Variants in ATP8B4 observed in about 807,000 individuals in gnomAD.
ATP8B4 encodes probable phospholipid-transporting ATPase IM.
In ATP8B4, 133 loss-of-function variants were observed where a neutral mutation model predicts 145.6. That is an observed-to-expected ratio of 0.91 (90% CI 0.79 to 1.05). The LOEUF is 1.05. Among genes scored for constraint, ATP8B4 ranks in the 50% least tolerant of loss-of-function variants. The pLI is 0.00. For missense variants in ATP8B4, 1,458 were observed against 1,425.2 expected, an observed-to-expected ratio of 1.02 and a Z score of -0.37; for synonymous variants, 507 against 492.9, an observed-to-expected ratio of 1.03 and a Z score of -0.38.
intron 13 of ATP8B4, among the ~76,000 whole-genome samples, chr15:49,971,225 C>G (rs964920381): frequency 6.6e-6 from 1 of 152,164 alleles, no homozygotes; most frequent in Non-Finnish European, 1.5e-5. Flanking sequence ...GACTTCATGA[C>G]TAAAACACCA....
At chr15:50,020,000 C>T (rs1335030840) in intron 6 of ATP8B4, among the ~76,000 whole-genome samples, 1 of 151,954 alleles carries the variant, frequency 6.6e-6, no homozygotes, top group Non-Finnish European at 1.5e-5. Flanking sequence ...TCTCTGTTGC[C>T]CAGACTGGAG....
At chr15:50,146,582 C>A (rs531966873) in intron 1 of ATP8B4, among the ~76,000 whole-genome samples, 1 of 152,244 alleles carries the variant, frequency 6.6e-6, no homozygotes, top group East Asian at 1.9e-4. Context: ...TCTGAAACTA[C>A]TTTGCGTGTG....
chr15:50,011,593 C>T lies in ATP8B4; in HGVS notation c.363-676G>A, dbSNP rs370207022. On this transcript the variant is annotated intron_variant, in intron 6 of 27. Coordinates refer to ENST00000284509, the MANE Select transcript of ATP8B4 (RefSeq NM_024837.4). ...ATGGAGCCCCAAGACCACCCTCCAC[C>T]CAGTTCAAAGGGGTTTATTATGAAA... Among the ~76,000 whole-genome samples the T allele has an allele frequency of 2.2e-4, 34 of 152,218 alleles. No homozygotes were observed. The South Asian group carries it at 7.1e-3, about 32-fold the overall frequency.
intron 2 of ATP8B4, among the ~76,000 whole-genome samples, chr15:50,087,454 CCT>C (rs897710323): frequency 6.8e-6 from 1 of 146,952 alleles, no homozygotes; most frequent in Non-Finnish European, 1.5e-5. Context: ...TATATACACT[CCT>C]CATATTCTTG....
intron 1 of ATP8B4, among the ~76,000 whole-genome samples, chr15:50,147,568 G>A (rs7168544): frequency 0.094 from 14,275 of 152,078 alleles, 893 homozygotes; most frequent in African/African-American, 0.16. Flanking sequence ...AGGATCCCAC[G>A]GAGAAATGGT....
chr15:49,900,048 T>C (rs1226911955), intron 21 of ATP8B4, among the ~76,000 whole-genome samples: 1 of 152,204 alleles, frequency 6.6e-6, no homozygotes, highest in African/African-American at 2.4e-5. Flanking sequence ...TTGTGGTCTC[T>C]GGGGAATTCA....
intron 1 of ATP8B4, among the ~76,000 whole-genome samples, chr15:50,138,325 GGTAGA>G (rs1567402928): frequency 1.8e-5 from 2 of 113,274 alleles, no homozygotes; most frequent in African/African-American, 6.2e-5. Context: ...TAGATAGATA[GGTAGA>G]TAGATAGATA....
Position 49,956,712 on chromosome 15 carries a change from G to GT in ATP8B4, c.1287+5264dup, listed in dbSNP as rs1187757944. Among the ~76,000 whole-genome samples the GT allele has an allele frequency of 4.0e-5, 6 of 151,668 alleles. No homozygotes were observed. In the South Asian group the frequency reaches 6.3e-4, roughly 16 times the overall value. On this transcript the variant is annotated intron_variant, in intron 14 of 27. Transcript: ENST00000284509. ...GTGCCCCAGCATGCCTAGCTAATTG[G>GT]TTTTTTTTGTTGTTTGTAGAGACAG... is the stretch of plus-strand genomic sequence containing the variant.
chr15:50,080,598 T>A (rs79758863), intron 2 of ATP8B4, among the ~76,000 whole-genome samples: 2 of 144,362 alleles, frequency 1.4e-5, no homozygotes, highest in East Asian at 2.0e-4. Flanking sequence ...CTTGCTAGAA[T>A]TTTTTTTTTT....
intron 13 of ATP8B4, among the ~76,000 whole-genome samples, chr15:49,963,770 G>A (rs1184631925): frequency 6.6e-6 from 1 of 152,124 alleles, no homozygotes; most frequent in Admixed American, 6.5e-5. Context: ...TGGGAAGGGA[G>A]AGCATCAAGA....
At chr15:49,903,604 T>G (rs997993503) in intron 20 of ATP8B4, among the ~76,000 whole-genome samples, 16 of 152,288 alleles carry the variant, frequency 1.1e-4, no homozygotes, top group African/African-American at 3.9e-4. Context: ...GTTAAATTGA[T>G]CTGTTGTGGC....
At chr15:50,165,463 G>A (rs993298447) in intron 1 of ATP8B4, among the ~76,000 whole-genome samples, 7 of 152,048 alleles carry the variant, frequency 4.6e-5, no homozygotes, top group African/African-American at 1.7e-4. Context: ...TGCTCAATTT[G>A]GTGTTCCTGG....
chr15:50,013,561 T>G (rs560894947), intron 6 of ATP8B4, among the ~76,000 whole-genome samples: 4 of 152,148 alleles, frequency 2.6e-5, no homozygotes, highest in African/African-American at 7.2e-5. Context: ...TAGAATCCGT[T>G]TTTTTAAATA....
intron 20 of ATP8B4, among the ~76,000 whole-genome samples, chr15:49,903,086 C>T (rs1365500163): frequency 6.6e-6 from 1 of 152,154 alleles, no homozygotes; most frequent in Non-Finnish European, 1.5e-5. Context: ...TCTGGCTCTG[C>T]TGAAATTGTC....
intron 21 of ATP8B4, 26 bp downstream of exon 21, chr15:49,901,066 A>T (rs1362332769): frequency 6.2e-7 from 1 of 1,603,832 alleles, no homozygotes; most frequent in African/African-American, 1.3e-5. Flanking sequence ...AGAAAAAGAA[A>T]GGACAAAAAC....
At chr15:50,103,219 A>G (rs2056476678) in intron 2 of ATP8B4, among the ~76,000 whole-genome samples, 3 of 152,136 alleles carry the variant, frequency 2.0e-5, no homozygotes, top group Admixed American at 1.3e-4. Context: ...CTTCTATTCA[A>G]CATAGTACTG....
chr15:49,911,183 A>C (rs1053446001), intron 20 of ATP8B4, among the ~76,000 whole-genome samples: 1 of 152,160 alleles, frequency 6.6e-6, no homozygotes, highest in Non-Finnish European at 1.5e-5. Flanking sequence ...CGCTTGAAAA[A>C]TACAGAATGG....
At chr15:50,176,661 T>G (rs149637792) in intron 1 of ATP8B4, among the ~76,000 whole-genome samples, 24 of 152,162 alleles carry the variant, frequency 1.6e-4, no homozygotes, top group African/African-American at 5.3e-4. Context: ...GTTGAAAAAA[T>G]ACAAACCAAA....
At chr15:50,136,507 G>C (rs2044123301) in intron 1 of ATP8B4, among the ~76,000 whole-genome samples, 1 of 152,220 alleles carries the variant, frequency 6.6e-6, no homozygotes, top group Non-Finnish European at 1.5e-5. Flanking sequence ...TGTAAAGACT[G>C]TTTGATTTTT....
Sources: gnomAD v4.1 joint callset for allele counts (sites outside exome capture counted in the v4.1 genomes callset) on GRCh38, gnomAD v4.1.1 for gene constraint, MANE v1.5 for transcripts, NCBI Gene and HGNC (gene_info 2026-07-23, HGNC 2026-07-21) for gene names.